Variants in LRCH3 observed in about 807,000 individuals in gnomAD.
The protein encoded by LRCH3 is DISP complex protein LRCH3.
LRCH3 carries 68 observed loss-of-function variants against 104.5 expected under a neutral mutation model. The ratio of observed to expected loss-of-function variants is 0.65; its 90% CI spans 0.54 to 0.80. LRCH3 has a LOEUF of 0.80. Ranked by LOEUF, LRCH3 falls within the 30% of genes least tolerant of loss-of-function variation. LRCH3 has a pLI of 0.00. For missense variants in LRCH3, 951 were observed against 953.9 expected (o/e 1.00, Z 0.04); for synonymous variants, 344 against 361.3 (o/e 0.95, Z 0.54).
At chr3:197,860,609 T>A (rs1269299110) in intron 15 of LRCH3, among the ~76,000 whole-genome samples, 1 of 146,472 alleles carries the variant, frequency 6.8e-6, no homozygotes, top group African/African-American at 2.6e-5. Context: ...TTTTTTTTTT[T>A]ACTTTTTAAT....
At chr3:197,837,653 A>G (rs527522032) in intron 9 of LRCH3, among the ~76,000 whole-genome samples, 1 of 152,188 alleles carries the variant, frequency 6.6e-6, no homozygotes, top group African/African-American at 2.4e-5. Flanking sequence ...CTGTCTGAAC[A>G]TGGTATGATT....
chr3:197,864,064 G>A (rs1216172302), intron 15 of LRCH3, among the ~76,000 whole-genome samples: 1 of 152,196 alleles, frequency 6.6e-6, no homozygotes, highest in African/African-American at 2.4e-5. Context: ...CCAGCACTTT[G>A]GGAGGTCGAG....
In LRCH3 at chr3:197,856,521, G is replaced by T. The variant is rs1339534989; in HGVS notation, c.1644+2076G>T. ...GAAGCATCAGCCTCTTGAGTAGCTG[G>T]GACTACGGGTGCATGCACCACACGT... On this transcript the variant is annotated intron_variant, in intron 14 of 20. Coordinates refer to ENST00000425562, the MANE Select transcript of LRCH3 (RefSeq NM_001365715.1). The surrounding 1 kb of genome is among the most constrained non-coding windows in gnomAD (Gnocchi z 4.2). Among the ~76,000 whole-genome samples the T allele has an allele frequency of 2.0e-5, 3 of 151,862 alleles. No individual in the cohort carries two copies. The East Asian group carries it at 5.8e-4, about 29-fold the overall frequency.
intron 10 of LRCH3, among the ~76,000 whole-genome samples, chr3:197,845,318 G>A (rs970649675): frequency 6.6e-6 from 1 of 151,212 alleles, no homozygotes; most frequent in Non-Finnish European, 1.5e-5. Context: ...AGCTGAGGTA[G>A]GATTGCTTAA....
At chr3:197,846,383 CACAAAAAAAAAAAAAA>C (rs1376653105) in intron 10 of LRCH3, among the ~76,000 whole-genome samples, 1 of 97,276 alleles carries the variant, frequency 1.0e-5, no homozygotes, top group Admixed American at 1.0e-4. Context: ...CACCTTGGGC[CACAAAAAAAAAAAAAA>C]ACAAAAAAAA....
At chr3:197,850,901 T>C in intron 12 of LRCH3, 4 of 853,720 alleles carry the variant, frequency 4.7e-6, no homozygotes, top group Non-Finnish European at 8.2e-6. Context: ...GATTGGAACC[T>C]CTTGATTTGC....
rs185431384 is a variant in LRCH3 at position 197,860,368 on chromosome 3, G to C, written c.1716+1463G>C. 1.8e-4 allele frequency among the ~76,000 whole-genome samples: 27 copies of C among 152,172 alleles called. No homozygotes were observed. The East Asian group carries it at 4.4e-3, about 25-fold the overall frequency. ...TTTTTCTTGAATATTTAATTTTGCT[G>C]TTTGAATATTTTTACTTGTCTCATG... On this transcript the variant is annotated intron_variant, in intron 15 of 20. Transcript: ENST00000425562.
intron 20 of LRCH3, chr3:197,880,410 G>A: frequency 1.1e-6 from 1 of 903,756 alleles, no homozygotes; most frequent in Non-Finnish European, 1.7e-6. Flanking sequence ...GTGTATATGT[G>A]AATATGACTG....
rs147674298 is a variant in LRCH3, at chr3:197,818,382, A to G, written c.534+1080A>G. Among the ~76,000 whole-genome samples the G allele has an allele frequency of 3.7e-3, 564 of 152,364 alleles. 4 individuals carry two copies. The highest frequency in any genetic ancestry group is 0.013 in the African/African-American group (543 of 41,588). Reference sequence around the variant, plus strand: ...ACTCTTTCTGAAGTGGTCAAATACAATTATGTCCATTAGGATTTAGGGGTA... The same window carrying G: ...ACTCTTTCTGAAGTGGTCAAATACAGTTATGTCCATTAGGATTTAGGGGTA... On this transcript the variant is annotated intron_variant, in intron 3 of 20. Coordinates refer to ENST00000425562, the MANE Select transcript of LRCH3 (RefSeq NM_001365715.1).
At chr3:197,824,213 C>G (rs189239676) in intron 4 of LRCH3, among the ~76,000 whole-genome samples, 2 of 151,914 alleles carry the variant, frequency 1.3e-5, no homozygotes, top group East Asian at 3.9e-4. Context: ...TACAGGCGCC[C>G]GCCACCATGC....
chr3:197,804,515 A>G (rs1038005488), intron 1 of LRCH3, among the ~76,000 whole-genome samples: 23 of 152,278 alleles, frequency 1.5e-4, no homozygotes, highest in African/African-American at 5.3e-4. Flanking sequence ...CAGAAATCCC[A>G]TCGTGTATCC....
intron 15 of LRCH3, among the ~76,000 whole-genome samples, chr3:197,864,272 C>T (rs1315319577): frequency 6.6e-6 from 1 of 151,010 alleles, no homozygotes; most frequent in East Asian, 2.0e-4. Flanking sequence ...CTCTATTGCA[C>T]TCTAGCCTGG....
chr3:197,879,552 G>T (rs13061183), intron 20 of LRCH3, among the ~76,000 whole-genome samples: 1 of 148,374 alleles, frequency 6.7e-6, no homozygotes, highest in Non-Finnish European at 1.5e-5. Flanking sequence ...AGGCTGAGGC[G>T]GGAGAATGGC....
At chr3:197,870,127 G>A in intron 17 of LRCH3, 33 bp from the exon 18 acceptor site, 1 of 1,605,008 alleles carries the variant, frequency 6.2e-7, no homozygotes, top group South Asian at 1.1e-5. Context: ...ACTGCCAGTT[G>A]CCTTTCTGTC....
chr3:197,815,039 T>C lies in LRCH3; in HGVS notation c.394T>C (p.Phe132Leu), dbSNP rs1487036043. The C allele has an allele frequency of 1.3e-6, 2 of 1,493,644 alleles. No individual in the cohort carries two copies. The highest frequency in any genetic ancestry group is 4.1e-5 in the Admixed American group (2 of 48,194). The allele number at this position is 1,493,644 out of a possible 1,614,324, so 92.5% of individuals were successfully genotyped here. A position where few individuals can be genotyped will look rare whatever the true frequency, so the allele number is the denominator to read the frequency against. Residue 132 changes from phenylalanine to leucine, a missense_variant, in exon 2 of 21, where the codon TTC becomes CTC. Physicochemically the swap from Phe to Leu is conservative, Grantham distance 22. Transcript: ENST00000425562. Reference protein sequence around the residue: ...EAILNLQALTFLNISRNQLST... With the variant: ...EAILNLQALTLLNISRNQLST... ...AATTTTAAACCTACAAGCTCTAACA[T>C]TCTTAAATATTAGGTAAGAATATTG...
At chr3:197,842,987 C>T (rs909685668) in intron 10 of LRCH3, among the ~76,000 whole-genome samples, 2 of 150,404 alleles carry the variant, frequency 1.3e-5, no homozygotes, top group Admixed American at 1.3e-4. Context: ...TGGGAGGCTG[C>T]GGCAGGAGAA....
chr3:197,841,027 G>C (rs927927994), intron 10 of LRCH3, among the ~76,000 whole-genome samples: 1 of 152,160 alleles, frequency 6.6e-6, no homozygotes, highest in African/African-American at 2.4e-5. Flanking sequence ...CTTTCACTCA[G>C]TTACCTTATG....
intron 20 of LRCH3, among the ~76,000 whole-genome samples, chr3:197,879,396 C>G (rs1251072281): frequency 1.3e-5 from 2 of 152,138 alleles, no homozygotes; most frequent in African/African-American, 4.8e-5. Context: ...CCTGTAATCC[C>G]AGCACTTTGG....
chr3:197,860,169 C>G (rs1740708825), intron 15 of LRCH3, among the ~76,000 whole-genome samples: 1 of 152,008 alleles, frequency 6.6e-6, no homozygotes, highest in Admixed American at 6.6e-5. Context: ...GCCTGGCTGA[C>G]TTTTTAAGTT....
Sources: allele counts gnomAD v4.1 joint callset (sites outside exome capture counted in the v4.1 genomes callset), GRCh38; gene constraint gnomAD v4.1.1; non-coding constraint Gnocchi (gnomAD v3.1); transcripts MANE v1.5; gene names NCBI Gene and HGNC (gene_info 2026-07-23, HGNC 2026-07-21).